The following MRTFA variants were observed in gnomAD, a reference collection of about 807,000 sequenced individuals.
MRTFA encodes the protein myocardin related transcription factor A, also known as myocardin-related transcription factor A.
A neutral mutation model predicts 83.5 loss-of-function variants in MRTFA; 20 were observed. That is an observed-to-expected ratio of 0.24 (90% CI 0.17 to 0.35). The LOEUF is 0.35. Ranked by LOEUF, MRTFA falls within the 10% of genes least tolerant of loss-of-function variation. MRTFA has a pLI of 1.00. For synonymous variants in MRTFA, 659 were observed against 541.2 expected (o/e 1.22, Z -3.02); for missense variants, 1,200 against 1,224.7 (o/e 0.98, Z 0.30).
intron 2 of MRTFA, chr22:40,586,812 CA>C (rs2056035737): frequency 5.3e-6 from 2 of 378,584 alleles, no homozygotes; most frequent in Non-Finnish European, 1.0e-5. Context: ...TTAAAAACAA[CA>C]ACCTTCTTTC....
intron 1 of MRTFA, among the ~76,000 whole-genome samples, chr22:40,606,729 T>A (rs936190775): frequency 1.3e-5 from 2 of 152,208 alleles, no homozygotes; most frequent in Non-Finnish European, 2.9e-5. Flanking sequence ...TTAGGATTCC[T>A]CTTTGGAGAC....
chr22:40,514,487 T>C (rs1207710036), intron 3 of MRTFA, among the ~76,000 whole-genome samples: 1 of 150,666 alleles, frequency 6.6e-6, no homozygotes, highest in Non-Finnish European at 1.5e-5. Context: ...TTTTTTTTTT[T>C]TTTTTGAGTC....
At chr22:40,543,902 G>T (rs1374949042) in intron 3 of MRTFA, among the ~76,000 whole-genome samples, 2 of 152,126 alleles carry the variant, frequency 1.3e-5, no homozygotes, top group African/African-American at 4.8e-5. Flanking sequence ...CAAGAACAAG[G>T]TGGGAGGACT....
At chr22:40,530,365 C>A (rs955956732) in intron 3 of MRTFA, among the ~76,000 whole-genome samples, 1 of 152,218 alleles carries the variant, frequency 6.6e-6, no homozygotes, top group African/African-American at 2.4e-5. Flanking sequence ...GGCACAATCT[C>A]AGCTCACTGC....
chr22:40,617,048 AC>A (rs2056456983), intron 1 of MRTFA, among the ~76,000 whole-genome samples: 2 of 151,494 alleles, frequency 1.3e-5, no homozygotes, highest in Admixed American at 1.3e-4. Flanking sequence ...GGTTGCAGTG[AC>A]CTGAGCTGGC....
chr22:40,538,985 C>CTTTTTTTTTTTTTTTTTTTT lies in MRTFA; in HGVS notation c.241+13120_241+13121insAAAAAAAAAAAAAAAAAAAA, dbSNP rs201694198. On this transcript the variant is annotated intron_variant, in intron 3 of 14. Transcript: ENST00000355630. ...GACATTATACTGCAGGATACACAGC[C>CTTTTTTTTTTTTTTTTTTTT]TTTTGTTTTTTTTTTTTTTTTTTTT... Among the ~76,000 whole-genome samples, 11 of 106,888 alleles carry CTTTTTTTTTTTTTTTTTTTT rather than the reference C, an allele frequency of 1.0e-4. 5 individuals are homozygous for CTTTTTTTTTTTTTTTTTTTT. Among genetic ancestry groups the CTTTTTTTTTTTTTTTTTTTT allele is most frequent in the Non-Finnish European group, 1.4e-4 (8 of 55,568 alleles). 70.1% of individuals were successfully genotyped at this position (106,888 alleles called of 152,430 possible). A position where few individuals can be genotyped will look rare whatever the true frequency, so the allele number is the denominator to read the frequency against.
intron 2 of MRTFA, among the ~76,000 whole-genome samples, chr22:40,558,024 T>G (rs563399608): frequency 6.6e-6 from 1 of 152,120 alleles, no homozygotes; most frequent in African/African-American, 2.4e-5. Flanking sequence ...GCCACCTGCC[T>G]TGGCCTCCCA....
intron 1 of MRTFA, among the ~76,000 whole-genome samples, chr22:40,633,281 G>T (rs1486619258): frequency 6.6e-6 from 1 of 152,126 alleles, no homozygotes; most frequent in Non-Finnish European, 1.5e-5. Flanking sequence ...TTATATTCAA[G>T]AAATATTTAC....
At chr22:40,508,670 T>A (rs934293633) in intron 3 of MRTFA, among the ~76,000 whole-genome samples, 3 of 151,820 alleles carry the variant, frequency 2.0e-5, no homozygotes, top group Admixed American at 1.3e-4. Flanking sequence ...GTTAGTAATA[T>A]GTTCTTTCCA....
intron 5 of MRTFA, 61 bp from the exon 6 acceptor site, chr22:40,431,541 G>A (rs2053069728): frequency 6.7e-7 from 1 of 1,491,116 alleles, no homozygotes; most frequent in Non-Finnish European, 9.3e-7. Context: ...GGCATGGACA[G>A]GATCACAACA....
At chr22:40,543,636 AACAC>A (rs1486340710) in intron 3 of MRTFA, among the ~76,000 whole-genome samples, 1 of 152,236 alleles carries the variant, frequency 6.6e-6, no homozygotes, top group African/African-American at 2.4e-5. Flanking sequence ...ATCTCATTAA[AACAC>A]ACAAAGTGTC....
Position 40,500,313 on chromosome 22 carries a change from C to T in MRTFA, c.242-37027G>A, listed in dbSNP as rs191238195. Among the ~76,000 whole-genome samples, 665 of 128,896 alleles carry T rather than the reference C, an allele frequency of 5.2e-3. 6 individuals are homozygous for T. The highest frequency in any genetic ancestry group is 0.018 in the African/African-American group (625 of 34,182). 84.6% of individuals were successfully genotyped at this position (128,896 alleles called of 152,430 possible). ...GAAATAATAACATACTTTCATATTG[C>T]TTTCTTTTTTTTTGTTACAGTTTTT... On this transcript the variant is annotated intron_variant, in intron 3 of 14. Transcript: ENST00000355630.
At chr22:40,541,918 G>A (rs567509685) in intron 3 of MRTFA, among the ~76,000 whole-genome samples, 12 of 152,058 alleles carry the variant, frequency 7.9e-5, no homozygotes, top group African/African-American at 1.7e-4. Context: ...AGCCTGCCTC[G>A]GCCTCCCAAA....
intron 3 of MRTFA, among the ~76,000 whole-genome samples, chr22:40,495,032 C>CT (rs74569238): frequency 7.9e-4 from 116 of 146,800 alleles, no homozygotes; most frequent in South Asian, 1.3e-3. Flanking sequence ...CTGATCTCAA[C>CT]TTTTTTTTTT....
At chr22:40,435,406 C>A in intron 5 of MRTFA, 93 bp downstream of exon 5, 1 of 1,385,026 alleles carries the variant, frequency 7.2e-7, no homozygotes, top group South Asian at 1.2e-5. Flanking sequence ...CCTCAGAGTT[C>A]TATGGAAAGC....
intron 2 of MRTFA, among the ~76,000 whole-genome samples, chr22:40,575,699 T>C (rs9607730): frequency 0.034 from 5,207 of 152,282 alleles, 134 homozygotes; most frequent in Middle Eastern, 0.075. Flanking sequence ...AAGCATCTGA[T>C]TTTACAAGCC....
At chr22:40,577,081 G>C (rs2055877880) in intron 2 of MRTFA, among the ~76,000 whole-genome samples, 2 of 151,880 alleles carry the variant, frequency 1.3e-5, no homozygotes, top group Non-Finnish European at 2.9e-5. Flanking sequence ...AAATTAGCCA[G>C]GCATTGTGGT....
chr22:40,556,053 G>A (rs564459087), intron 2 of MRTFA, among the ~76,000 whole-genome samples: 62 of 152,052 alleles, frequency 4.1e-4, no homozygotes, highest in Non-Finnish European at 7.7e-4. Flanking sequence ...ATTATACAAA[G>A]AAAAAAGATT....
intron 1 of MRTFA, among the ~76,000 whole-genome samples, chr22:40,616,026 T>G (rs1185316007): frequency 1.3e-5 from 2 of 152,238 alleles, no homozygotes; most frequent in East Asian, 1.9e-4. Flanking sequence ...ATTATTTCAT[T>G]ATTTTTATCA....
Sources: allele counts gnomAD v4.1 joint callset (sites outside exome capture counted in the v4.1 genomes callset), GRCh38; gene constraint gnomAD v4.1.1; transcripts MANE v1.5; gene names NCBI Gene and HGNC (gene_info 2026-07-23, HGNC 2026-07-21).